The following ITPR2 variants were observed in gnomAD, a reference collection of about 807,000 sequenced individuals.
The protein encoded by ITPR2 is inositol 1,4,5-trisphosphate receptor type 2.
A neutral mutation model predicts 317.1 loss-of-function variants in ITPR2; 207 were observed. The observed-to-expected ratio is 0.65, with a 90% CI of 0.58 to 0.73. The LOEUF is 0.73. Among genes scored for constraint, ITPR2 ranks in the 30% least tolerant of loss-of-function variants. The pLI, the probability that ITPR2 is intolerant of heterozygous loss-of-function variation, is 0.00. For missense variants in ITPR2, 2,613 were observed against 3,284.0 expected (o/e 0.80, Z 4.99); for synonymous variants, 1,156 against 1,149.1 (o/e 1.01, Z -0.12).
At chr12:26,761,199 A>G (rs923907212) in intron 2 of ITPR2, among the ~76,000 whole-genome samples, 12 of 152,356 alleles carry the variant, frequency 7.9e-5, no homozygotes, top group Middle Eastern at 3.4e-3. Context: ...TGACCCAGGC[A>G]CCAGGCCAGC....
chr12:26,641,500 A>C (rs1946988682), intron 21 of ITPR2, among the ~76,000 whole-genome samples: 1 of 152,010 alleles, frequency 6.6e-6, no homozygotes, highest in Non-Finnish European at 1.5e-5. Flanking sequence ...TGAATTCAAA[A>C]TTTCCAGCAA....
At chr12:26,663,936 A>C in intron 14 of ITPR2, 90 bp from the exon 15 acceptor site, 1 of 1,189,398 alleles carries the variant, frequency 8.4e-7, no homozygotes, top group Non-Finnish European at 1.2e-6. Flanking sequence ...GATTCAAAAA[A>C]CACTTATATA....
In ITPR2 at chr12:26,487,324, A is replaced by G. The variant is rs918341697; in HGVS notation, c.5371-73T>C. The stretch of plus-strand genomic sequence containing the variant: ...TGGTGTTTTTATGCTTGAACTAAAC[A>G]TAAGCATTATAGGCAAAAGCACACA... On this transcript the variant is annotated intron_variant, in intron 39 of 56. Coordinates refer to ENST00000381340, the MANE Select transcript of ITPR2 (RefSeq NM_002223.4). 4.6e-6 allele frequency: 5 copies of G among 1,078,464 alleles called. No homozygotes were observed. The South Asian group carries it at 6.5e-5, about 14-fold the overall frequency. The allele number at this position is 1,078,464 out of a possible 1,614,324, so 66.8% of individuals were successfully genotyped here. A position where few individuals can be genotyped will look rare whatever the true frequency, so the allele number is the denominator to read the frequency against.
At chr12:26,507,138 T>A (rs2136905109) in intron 37 of ITPR2, among the ~76,000 whole-genome samples, 2 of 152,344 alleles carry the variant, frequency 1.3e-5, no homozygotes, top group South Asian at 4.1e-4. Context: ...AGCTCCTAAT[T>A]GTGTTCTACA....
intron 9 of ITPR2, among the ~76,000 whole-genome samples, chr12:26,698,286 C>A (rs944515116): frequency 2.6e-5 from 4 of 151,882 alleles, no homozygotes. Flanking sequence ...TAAAACAGAG[C>A]CAGAAATTAG....
intron 55 of ITPR2, among the ~76,000 whole-genome samples, chr12:26,368,295 T>C (rs1429533168): frequency 6.6e-6 from 1 of 152,218 alleles, no homozygotes; most frequent in East Asian, 1.9e-4. Flanking sequence ...TTGGCCAAAC[T>C]CTTTTATATT....
chr12:26,459,211 G>A (rs539132026), intron 45 of ITPR2, among the ~76,000 whole-genome samples: 3 of 152,246 alleles, frequency 2.0e-5, no homozygotes, highest in Non-Finnish European at 4.4e-5. Flanking sequence ...TATATTTAGG[G>A]AACAAATAAC....
intron 55 of ITPR2, among the ~76,000 whole-genome samples, chr12:26,360,074 T>C (rs965101547): frequency 6.6e-6 from 1 of 152,188 alleles, no homozygotes; most frequent in African/African-American, 2.4e-5. Flanking sequence ...GGAAGGACTC[T>C]ATTTTTGTCT....
chr12:26,503,635 T>C (rs1943122517), intron 37 of ITPR2, among the ~76,000 whole-genome samples: 1 of 152,226 alleles, frequency 6.6e-6, no homozygotes, highest in Non-Finnish European at 1.5e-5. Context: ...ATTGGCTTTG[T>C]GATCTAAAGA....
At chr12:26,547,318 T>C (rs969434322) in intron 37 of ITPR2, among the ~76,000 whole-genome samples, 6 of 152,132 alleles carry the variant, frequency 3.9e-5, no homozygotes, top group Non-Finnish European at 8.8e-5. Flanking sequence ...ACATCACTTA[T>C]CATCAGAGCA....
At chr12:26,782,031 TATGTATAGAGAGAG>T (rs1338362293) in intron 2 of ITPR2, among the ~76,000 whole-genome samples, 6 of 20,906 alleles carry the variant, frequency 2.9e-4, no homozygotes, top group East Asian at 1.4e-3. Flanking sequence ...TATATATATA[TATGTATAGAGAGAG>T]AGAGAGAGAG....
chr12:26,417,840 T>C (rs1055916647), intron 50 of ITPR2, among the ~76,000 whole-genome samples: 4 of 152,336 alleles, frequency 2.6e-5, no homozygotes, highest in South Asian at 4.1e-4. Flanking sequence ...TAAATGGGTA[T>C]AGCTTTCTGT....
intron 45 of ITPR2, among the ~76,000 whole-genome samples, chr12:26,474,659 T>C (rs12308905): frequency 2.0e-5 from 3 of 150,420 alleles, no homozygotes; most frequent in African/African-American, 4.9e-5. Context: ...CCGGGCGTAG[T>C]GGCGGGCGCC....
At chr12:26,675,109 C>G (rs1302791721) in intron 13 of ITPR2, among the ~76,000 whole-genome samples, 1 of 151,928 alleles carries the variant, frequency 6.6e-6, no homozygotes, top group Non-Finnish European at 1.5e-5. Flanking sequence ...GGACTGTAAA[C>G]TAGTTCAACC....
intron 52 of ITPR2, among the ~76,000 whole-genome samples, chr12:26,407,235 G>A (rs1309607544): frequency 6.6e-6 from 1 of 152,222 alleles, no homozygotes; most frequent in African/African-American, 2.4e-5. Context: ...GTGAAGTGCA[G>A]GTTATAGAGG....
intron 10 of ITPR2, among the ~76,000 whole-genome samples, chr12:26,689,035 A>G (rs1948183827): frequency 6.6e-6 from 1 of 152,236 alleles, no homozygotes; most frequent in Admixed American, 6.5e-5. Context: ...CATGATGGAT[A>G]CGTTAATTTG....
chr12:26,454,046 G>A (rs941069132), intron 45 of ITPR2, among the ~76,000 whole-genome samples: 17 of 151,988 alleles, frequency 1.1e-4, no homozygotes, highest in East Asian at 9.6e-4. Flanking sequence ...ATGGATGGAC[G>A]GATGGATGGA....
At chr12:26,718,589 A>ATG (rs1427803983) in intron 5 of ITPR2, among the ~76,000 whole-genome samples, 4 of 149,632 alleles carry the variant, frequency 2.7e-5, no homozygotes, top group Admixed American at 6.7e-5. Context: ...GTATATATAT[A>ATG]TGTGTGTGTG....
At chr12:26,530,536 T>C (rs559385978) in intron 37 of ITPR2, among the ~76,000 whole-genome samples, 2 of 152,306 alleles carry the variant, frequency 1.3e-5, no homozygotes, top group Admixed American at 6.5e-5. Context: ...GGCTCCCCAG[T>C]TGGGGCTATG....
Sources: allele counts gnomAD v4.1 joint callset (sites outside exome capture counted in the v4.1 genomes callset), GRCh38; gene constraint gnomAD v4.1.1; transcripts MANE v1.5; gene names NCBI Gene and HGNC (gene_info 2026-07-23, HGNC 2026-07-21).